The following BRD7 variants were observed in gnomAD, a reference collection of about 807,000 sequenced individuals.
BRD7 encodes bromodomain-containing protein 7.
In BRD7, 15 loss-of-function variants were observed where a neutral mutation model predicts 82.1. That is an observed-to-expected ratio of 0.18 (90% confidence interval 0.12 to 0.28). The LOEUF is 0.28. Ranked by LOEUF, BRD7 falls within the 10% of genes least tolerant of loss-of-function variation. BRD7 has a pLI of 1.00. For missense variants in BRD7, 638 were observed against 779.9 expected (o/e 0.82, Z 2.17); for synonymous variants, 232 against 266.9 (o/e 0.87, Z 1.27).
At chr16:50,352,428 T>TA (rs1168336825) in intron 4 of BRD7, among the ~76,000 whole-genome samples, 1 of 152,216 alleles carries the variant, frequency 6.6e-6, no homozygotes, top group African/African-American at 2.4e-5. Context: ...TACCACATTT[T>TA]AAAAAATGCA....
Position 50,325,660 on chromosome 16 carries a change from C to T in BRD7, c.1331+88G>A, listed in dbSNP as rs769738650. On this transcript the variant is annotated intron_variant, in intron 11 of 16. Coordinates refer to ENST00000394688, the MANE Select transcript of BRD7 (RefSeq NM_013263.5). ...ACTGAGCACATTTTTTTTTACTACT[C>T]GGCCAGCTTTGTCAGTCTATCCACA... is the stretch of plus-strand genomic sequence containing the variant. The T allele has an allele frequency of 1.4e-4, 182 of 1,270,916 alleles. 1 individual carries two copies. The highest frequency in any genetic ancestry group is 9.3e-5 in the Non-Finnish European group (88 of 947,100). The allele number at this position is 1,270,916 out of a possible 1,614,324, so 78.7% of individuals were successfully genotyped here. A position where few individuals can be genotyped will look rare whatever the true frequency, so the allele number is the denominator to read the frequency against.
rs902431314 is a variant in BRD7 at position 50,319,174 on chromosome 16, A to C, written c.*37T>G. Reference sequence around the variant, plus strand: ...AGCATTTCTAAGTTAAGAATGAAAAAGTATGTACATAATATATAATCAAAT... The same window carrying C: ...AGCATTTCTAAGTTAAGAATGAAAACGTATGTACATAATATATAATCAAAT... On this transcript the variant is annotated 3_prime_UTR_variant, in exon 17 of 17. Coordinates refer to ENST00000394688, the MANE Select transcript of BRD7 (RefSeq NM_013263.5). The C allele has an allele frequency of 1.1e-5, 16 of 1,489,184 alleles. No individual in the cohort carries two copies. The highest frequency in any genetic ancestry group is 1.4e-5 in the Non-Finnish European group (15 of 1,083,756). The allele number at this position is 1,489,184 out of a possible 1,614,324, so 92.2% of individuals were successfully genotyped here.
chr16:50,319,677 A>G (rs1009212006), intron 16 of BRD7, among the ~76,000 whole-genome samples: 1 of 152,348 alleles, frequency 6.6e-6, no homozygotes, highest in East Asian at 1.9e-4. Flanking sequence ...TATGAAGTAT[A>G]TAAGTAGAGA....
At position 50,321,967 on chromosome 16, in the gene BRD7, G is replaced by A. The variant is rs371149909; in HGVS notation, c.1500+15C>T. On this transcript the variant is annotated intron_variant, in intron 13 of 16. Transcript: ENST00000394688. Reference sequence around the variant, plus strand: ...TCCATTTAAATATTTCTTGTAAAGTGTAAAATAAAATCACCTCCATTTCTT... The same window carrying A: ...TCCATTTAAATATTTCTTGTAAAGTATAAAATAAAATCACCTCCATTTCTT... 9.4e-5 allele frequency: 150 copies of A among 1,601,460 alleles called. 1 individual carries two copies. In the African/African-American group the frequency reaches 1.8e-3, roughly 20 times the overall value.
chr16:50,358,391 G>A (rs1306784133), intron 2 of BRD7, among the ~76,000 whole-genome samples: 2 of 152,082 alleles, frequency 1.3e-5, no homozygotes, highest in Admixed American at 6.5e-5. Flanking sequence ...AGCTACTTGG[G>A]AGGCTGAGGT....
chr16:50,329,580 C>T (rs937037950), intron 8 of BRD7, among the ~76,000 whole-genome samples: 1 of 152,168 alleles, frequency 6.6e-6, no homozygotes, highest in Non-Finnish European at 1.5e-5. Context: ...TGGTATGGCT[C>T]ATGTTTTAGA....
At chr16:50,365,527 G>GGA (rs1207659958) in intron 2 of BRD7, among the ~76,000 whole-genome samples, 1 of 152,052 alleles carries the variant, frequency 6.6e-6, no homozygotes, top group Non-Finnish European at 1.5e-5. Flanking sequence ...GAAGAATTTG[G>GGA]GAGAGAGAGA....
intron 5 of BRD7, among the ~76,000 whole-genome samples, chr16:50,347,271 A>T (rs1166558953): frequency 6.6e-6 from 1 of 152,224 alleles, no homozygotes; most frequent in Non-Finnish European, 1.5e-5. Context: ...CAAAATAATA[A>T]GAGCTATTTA....
In BRD7 at chr16:50,368,239, G is replaced by C; in HGVS notation, c.109C>G (p.Leu37Val). 1 of 1,614,074 alleles carries C rather than the reference G, an allele frequency of 6.2e-7. No homozygotes were observed. The highest frequency in any genetic ancestry group is 1.1e-5 in the South Asian group (1 of 91,078). Residue 37 changes from leucine to valine, a missense_variant, in exon 2 of 17, where the codon CTC becomes GTC. Leu to Val is a conservative substitution (Grantham distance 32, BLOSUM62 1). Transcript: ENST00000394688. Reference sequence around the variant, plus strand: ...TCGTGCCCCGAGCTGCCCGTGGAGAGTTCGGTGACTTCGTTCCCTCCTACT... The same window carrying C: ...TCGTGCCCCGAGCTGCCCGTGGAGACTTCGGTGACTTCGTTCCCTCCTACT... ...LKVGGNEVTELSTGSSGHDSS... is the reference protein window; with the variant it reads ...LKVGGNEVTEVSTGSSGHDSS...
In BRD7 at chr16:50,316,925, C is replaced by T. The variant is rs949984255; in HGVS notation, c.*2286G>A. On this transcript the variant is annotated 3_prime_UTR_variant, in exon 17 of 17. Coordinates refer to ENST00000394688, the MANE Select transcript of BRD7 (RefSeq NM_013263.5). ...TCCCCATGAACCCCGTAAAGTTCTACACAAAGTCTTGCATACAGGAGCCTT... is the reference window on the plus strand; with the variant it reads ...TCCCCATGAACCCCGTAAAGTTCTATACAAAGTCTTGCATACAGGAGCCTT... 1.3e-5 allele frequency: 2 copies of T among 152,636 alleles called. No individual in the cohort carries two copies. The highest frequency in any genetic ancestry group is 4.8e-5 in the African/African-American group (2 of 41,440). The allele number at this position is 152,636 out of a possible 1,614,324, so 9.5% of individuals were successfully genotyped here.
At chr16:50,335,998 AAC>A (rs2037782756) in intron 6 of BRD7, among the ~76,000 whole-genome samples, 1 of 152,350 alleles carries the variant, frequency 6.6e-6, no homozygotes, top group African/African-American at 2.4e-5. Flanking sequence ...TCCAGAGAAG[AAC>A]AGTGTTAACA....
At chr16:50,320,128 C>T (rs1186848612) in intron 15 of BRD7, 98 bp from the exon 16 acceptor site, 4 of 1,517,156 alleles carry the variant, frequency 2.6e-6, no homozygotes, top group African/African-American at 1.4e-5. Context: ...GAAAACAAAA[C>T]AAAAAAACTG....
Position 50,354,854 on chromosome 16 carries a change from G to A in BRD7, c.327C>T (p.Ala109=), listed in dbSNP as rs762422489. ...CAGGAGGCAAGTCTAATCTCACAGG[G>A]GCGTGACACTGGAGATCTTTTTCTG... ...NEAEKDLQCH[A]PVRLDLPPEK... Residue 109 remains alanine (A), a synonymous_variant, in exon 3 of 17, where the codon GCC becomes GCT. Transcript: ENST00000394688. 5.0e-6 allele frequency: 8 copies of A among 1,613,006 alleles called. No individual in the cohort carries two copies. The highest frequency in any genetic ancestry group is 5.9e-6 in the Non-Finnish European group (7 of 1,179,948).
At chr16:50,325,145 T>G (rs939668910) in intron 11 of BRD7, among the ~76,000 whole-genome samples, 1 of 152,258 alleles carries the variant, frequency 6.6e-6, no homozygotes, top group African/African-American at 2.4e-5. Context: ...TGTCCCATCC[T>G]GAGCCAGAAT....
At chr16:50,368,495 G>A (rs894147719) in intron 1 of BRD7, 197 bp from the exon 2 acceptor site, 14 of 755,220 alleles carry the variant, frequency 1.9e-5, no homozygotes, top group African/African-American at 5.4e-5. Flanking sequence ...CAGGCCTCCC[G>A]GGCCCGCCTC....
In BRD7 at chr16:50,320,011, A is replaced by G. The variant is rs1327710155; in HGVS notation, c.1776T>C (p.Asn592=). Residue 592 remains asparagine (N), a synonymous_variant, in exon 16 of 17, where the codon AAT becomes AAC. Coordinates refer to ENST00000394688, the MANE Select transcript of BRD7 (RefSeq NM_013263.5). The stretch of plus-strand genomic sequence containing the variant: ...TTACTTGCTGTGCAAGTTCTTTAAG[A>G]TTATTGGTCACTTGTTCAGCTAAAA... The part of the protein sequence containing the change: ...EMHLAEQVTN[N]LKELAQQVTP... 1 of 1,609,848 alleles carries G rather than the reference A, an allele frequency of 6.2e-7. No homozygotes were observed. The highest frequency in any genetic ancestry group is 1.7e-5 in the Admixed American group (1 of 59,078).
At chr16:50,359,249 G>A (rs1442133705) in intron 2 of BRD7, among the ~76,000 whole-genome samples, 3 of 152,174 alleles carry the variant, frequency 2.0e-5, no homozygotes, top group Non-Finnish European at 4.4e-5. Context: ...TTCTGGCCTC[G>A]TCACTAGTAG....
chr16:50,333,778 A>G, intron 7 of BRD7, 81 bp from the exon 8 acceptor site: 1 of 1,210,180 alleles, frequency 8.3e-7, no homozygotes. Context: ...CTAAATATGA[A>G]TACAACTAAA....
intron 13 of BRD7, 95 bp from the exon 14 acceptor site, chr16:50,320,869 A>G: frequency 2.4e-6 from 2 of 821,686 alleles, no homozygotes; most frequent in Non-Finnish European, 4.2e-6. Context: ...TTACAGGCAA[A>G]GTTATTCTAC....
Sources: gnomAD v4.1 joint callset for allele counts (sites outside exome capture counted in the v4.1 genomes callset) on GRCh38, gnomAD v4.1.1 for gene constraint, MANE v1.5 for transcripts, NCBI Gene and HGNC (gene_info 2026-07-23, HGNC 2026-07-21) for gene names.